EPS15L1: variants seen among roughly 807,000 people sequenced by gnomAD.
EPS15L1 encodes epidermal growth factor receptor substrate 15-like 1.
A neutral mutation model predicts 117.1 loss-of-function variants in EPS15L1; 43 were observed. The observed-to-expected ratio is 0.37, with a 90% confidence interval of 0.29 to 0.47. The LOEUF is 0.47. Ranked by LOEUF, EPS15L1 falls within the 20% of genes least tolerant of loss-of-function variation. EPS15L1 has a pLI of 0.99. For missense variants in EPS15L1, 981 were observed against 1,164.0 expected (o/e 0.84, Z 2.29); for synonymous variants, 459 against 470.5 (o/e 0.98, Z 0.32).
chr19:16,409,244 T>A (rs576699971), intron 13 of EPS15L1, among the ~76,000 whole-genome samples: 17 of 152,146 alleles, frequency 1.1e-4, no homozygotes, highest in African/African-American at 3.9e-4. Flanking sequence ...ACAAATTTTT[T>A]AAAGTAAAAT....
chr19:16,449,281 A>G (rs2145118711), intron 1 of EPS15L1, among the ~76,000 whole-genome samples: 1 of 152,158 alleles, frequency 6.6e-6, no homozygotes, highest in African/African-American at 2.4e-5. Flanking sequence ...CAAACAAAAA[A>G]ACACGAAGAA....
chr19:16,458,523 C>T (rs1243080577), intron 1 of EPS15L1, among the ~76,000 whole-genome samples: 1 of 151,316 alleles, frequency 6.6e-6, no homozygotes, highest in Non-Finnish European at 1.5e-5. Context: ...GCCCTGCCTT[C>T]ACCCGCTTCC....
chr19:16,438,877 T>C (rs1599650695), intron 4 of EPS15L1, among the ~76,000 whole-genome samples: 2 of 152,130 alleles, frequency 1.3e-5, no homozygotes, highest in South Asian at 4.1e-4. Flanking sequence ...CAGAAACTCA[T>C]ATCTGTGGTT....
At chr19:16,440,664 T>C in intron 4 of EPS15L1, 198 bp downstream of exon 4, 1 of 451,570 alleles carries the variant, frequency 2.2e-6, no homozygotes, top group Non-Finnish European at 4.0e-6. Context: ...AAATAAAAGA[T>C]ACACTAGCCA....
chr19:16,382,480 G>A (rs528936898), intron 21 of EPS15L1, among the ~76,000 whole-genome samples: 40 of 152,292 alleles, frequency 2.6e-4, no homozygotes, highest in East Asian at 5.8e-4. Flanking sequence ...AGAGAAACAC[G>A]TTTGAGTTCA....
chr19:16,403,026 C>T (rs753575371), intron 15 of EPS15L1, among the ~76,000 whole-genome samples: 4 of 152,232 alleles, frequency 2.6e-5, no homozygotes, highest in Non-Finnish European at 4.4e-5. Flanking sequence ...TTGCGATCAA[C>T]TGTGGCCTAT....
chr19:16,355,631 G>A lies in EPS15L1; in HGVS notation c.*74C>T, dbSNP rs918221089. 2.0e-6 allele frequency: 3 copies of A among 1,468,226 alleles called. No homozygotes were observed. The highest frequency in any genetic ancestry group is 2.7e-6 in the Non-Finnish European group (3 of 1,096,778). 90.9% of individuals were successfully genotyped at this position (1,468,226 alleles called of 1,614,324 possible). A position where few individuals can be genotyped will look rare whatever the true frequency, so the allele number is the denominator to read the frequency against. ...AGTACGGTGGCGACGGTGTGTGTGT[G>A]TATATATAGACATCTGCACTGCCCC... On this transcript the variant is annotated 3_prime_UTR_variant, in exon 24 of 24. Coordinates refer to ENST00000455140, the MANE Select transcript of EPS15L1 (RefSeq NM_001258374.3).
At chr19:16,444,410 G>C (rs773808456) in intron 1 of EPS15L1, among the ~76,000 whole-genome samples, 4 of 152,152 alleles carry the variant, frequency 2.6e-5, no homozygotes, top group Non-Finnish European at 4.4e-5. Context: ...AGGAAGGAGT[G>C]GCTATCACCC....
intron 23 of EPS15L1, among the ~76,000 whole-genome samples, chr19:16,360,666 G>A (rs765090082): frequency 6.6e-6 from 1 of 152,132 alleles, no homozygotes; most frequent in Non-Finnish European, 1.5e-5. Flanking sequence ...AGGATCGCTT[G>A]AGCCCAGGAA....
Position 16,383,665 on chromosome 19 carries a change from G to A in EPS15L1, c.2247+1464C>T, listed in dbSNP as rs1300285563. 2 of 152,232 alleles carry A rather than the reference G, an allele frequency of 1.3e-5. No individual in the cohort carries two copies. The highest frequency in any genetic ancestry group is 4.8e-5 in the African/African-American group (2 of 41,428). The allele number at this position is 152,232 out of a possible 1,614,324, so 9.4% of individuals were successfully genotyped here. A position where few individuals can be genotyped will look rare whatever the true frequency, so the allele number is the denominator to read the frequency against. The stretch of plus-strand genomic sequence containing the variant: ...TCTGTGTAAACACACACCCTGCCTC[G>A]GTCAGAAGTGGGATCTGCTGCGCCG... On this transcript the variant is annotated intron_variant, in intron 21 of 23. Coordinates refer to ENST00000455140, the MANE Select transcript of EPS15L1 (RefSeq NM_001258374.3). This position sits in a 1 kb window ranked among gnomAD's most constrained non-coding sequence, Gnocchi z 5.2.
At chr19:16,378,356 G>A (rs1191344623) in intron 21 of EPS15L1, among the ~76,000 whole-genome samples, 3 of 151,870 alleles carry the variant, frequency 2.0e-5, no homozygotes, top group Admixed American at 1.3e-4. Context: ...AGAACCCACT[G>A]ACCCCCCAGC....
At chr19:16,397,368 G>A (rs2092551306) in intron 16 of EPS15L1, among the ~76,000 whole-genome samples, 1 of 152,196 alleles carries the variant, frequency 6.6e-6, no homozygotes, top group Admixed American at 6.5e-5. Flanking sequence ...GGGATTACAG[G>A]CGTGAGCCAC....
In EPS15L1 at chr19:16,401,452, G is replaced by C. The variant is rs539502188; in HGVS notation, c.1791+869C>G. ...CCAGGAGCAGAAGGGCTCCAGGGAG[G>C]AGCCCTGGGAGAGAGGGTGGCAGCA... On this transcript the variant is annotated intron_variant, in intron 16 of 23. Coordinates refer to ENST00000455140, the MANE Select transcript of EPS15L1 (RefSeq NM_001258374.3). The C allele has an allele frequency of 1.5e-3, 1,469 of 985,692 alleles. 1 individual carries two copies. The highest frequency in any genetic ancestry group is 1.6e-3 in the Non-Finnish European group (1,348 of 830,102). 61.1% of individuals were successfully genotyped at this position (985,692 alleles called of 1,614,324 possible).
At chr19:16,449,400 A>C (rs1190213289) in intron 1 of EPS15L1, among the ~76,000 whole-genome samples, 1 of 152,306 alleles carries the variant, frequency 6.6e-6, no homozygotes, top group South Asian at 2.1e-4. Flanking sequence ...CATTAGCAAA[A>C]AGAAGAATGC....
chr19:16,466,616 A>T (rs1487927815), intron 1 of EPS15L1, among the ~76,000 whole-genome samples: 1 of 152,176 alleles, frequency 6.6e-6, no homozygotes, highest in African/African-American at 2.4e-5. Flanking sequence ...AAAGGCAGGC[A>T]TGAGGGCCAG....
chr19:16,465,865 A>C (rs2093300396), intron 1 of EPS15L1, among the ~76,000 whole-genome samples: 1 of 152,198 alleles, frequency 6.6e-6, no homozygotes, highest in South Asian at 2.1e-4. Context: ...TAACTTTCCA[A>C]GACAAGAAAC....
intron 1 of EPS15L1, among the ~76,000 whole-genome samples, chr19:16,450,353 T>C (rs1023493840): frequency 1.3e-5 from 2 of 151,398 alleles, no homozygotes; most frequent in Non-Finnish European, 2.9e-5. Flanking sequence ...GGGGTGGTTC[T>C]ATTGCTTCTC....
rs754848532 is a variant in EPS15L1, at chr19:16,437,756, A to T, written c.309+14T>A. 6.2e-7 allele frequency: 1 copy of T among 1,602,352 alleles called. No homozygotes were observed. The highest frequency in any genetic ancestry group is 2.2e-5 in the East Asian group (1 of 44,844). The stretch of plus-strand genomic sequence containing the variant: ...TATTAGAAGAATGTGAACTTGAAGG[A>T]CTTGGACACTCACAAATTTAGGCGG... On this transcript the variant is annotated intron_variant, in intron 5 of 23. Transcript: ENST00000455140.
chr19:16,399,622 T>C (rs1412104274), intron 16 of EPS15L1, among the ~76,000 whole-genome samples: 3 of 152,044 alleles, frequency 2.0e-5, no homozygotes, highest in African/African-American at 7.2e-5. Context: ...AGTCTCATCA[T>C]GGTTGATTTC....
Sources: allele counts gnomAD v4.1 joint callset (sites outside exome capture counted in the v4.1 genomes callset), GRCh38; gene constraint gnomAD v4.1.1; non-coding constraint Gnocchi (gnomAD v3.1); transcripts MANE v1.5; gene names NCBI Gene and HGNC (gene_info 2026-07-23, HGNC 2026-07-21).